TGM2: variants seen among roughly 807,000 people sequenced by gnomAD.
TGM2 encodes the protein protein-glutamine gamma-glutamyltransferase 2.
Under a neutral mutation model 75.6 loss-of-function variants are expected in TGM2, and 53 were observed. The observed-to-expected ratio is 0.70, with a 90% CI of 0.56 to 0.88. The LOEUF (loss-of-function observed/expected upper bound fraction) is 0.88. TGM2 is among the 40% of genes least tolerant of loss of function. The pLI, the probability that TGM2 is intolerant of heterozygous loss-of-function variation, is 0.00. For synonymous variants in TGM2, 374 were observed against 381.1 expected (o/e 0.98, Z 0.22); for missense variants, 842 against 928.5 (o/e 0.91, Z 1.21).
At chr20:38,138,078 C>T (rs756660452) in intron 10 of TGM2, 35 bp downstream of exon 10, 17 of 1,552,242 alleles carry the variant, frequency 1.1e-5, no homozygotes, top group East Asian at 7.3e-5. Flanking sequence ...TGTCAGTTGG[C>T]GGTCAACAAA....
chr20:38,165,305 C>T, upstream of TGM2: 1 of 1,556,866 alleles, frequency 6.4e-7, no homozygotes, highest in Non-Finnish European at 8.8e-7. Context: ...TTATAGCCCG[C>T]TTTGGGGCGG....
intron 3 of TGM2, among the ~76,000 whole-genome samples, chr20:38,153,044 G>C (rs560616393): frequency 7.5e-6 from 1 of 133,182 alleles, no homozygotes; most frequent in African/African-American, 2.7e-5. Context: ...GGGGCGGGGG[G>C]GGGGATCCAG....
At position 38,142,075 on chromosome 20, in the gene TGM2, G is replaced by GCC. The variant is rs779835020; in HGVS notation, c.983_984insGG (p.Ser328ArgfsTer4). ...GGCCCCCACCTCACCAGATCATCTC[G>GCC]CTCTTGTCACCCTGGATCTCCCCAA... On this transcript the variant is annotated frameshift_variant, in exon 7 of 13. Coordinates refer to ENST00000361475, the MANE Select transcript of TGM2 (RefSeq NM_004613.4). LOFTEE classifies it high-confidence loss of function. The GCC allele has an allele frequency of 6.2e-7, 1 of 1,614,014 alleles. No individual in the cohort carries two copies. Among genetic ancestry groups the GCC allele is most frequent in the South Asian group, 1.1e-5 (1 of 91,076 alleles).
rs1344394120 is a variant in TGM2, at chr20:38,132,438, G to A, written c.1678C>T (p.Leu560Phe). The change falls in exon 11 of 13, where the codon CTC (leucine) becomes TTC (phenylalanine). Residue 560 changes from leucine to phenylalanine, a missense_variant. By Grantham distance (22) the Leu-to-Phe change is conservative. Coordinates refer to ENST00000361475, the MANE Select transcript of TGM2 (RefSeq NM_004613.4). ...KYRDCLTESN[L>F]IKVRALLVEP... ...ACGAGGAGGGCCCGCACCTTGATGA[G>A]GTTGGACTCCGTAAGGCAGTCACGG... 8 of 1,614,072 alleles carry A rather than the reference G, an allele frequency of 5.0e-6. No individual in the cohort carries two copies. Among genetic ancestry groups the A allele is most frequent in the Middle Eastern group, 1.6e-4 (1 of 6,084 alleles).
intron 12 of TGM2, among the ~76,000 whole-genome samples, chr20:38,130,872 T>C (rs2074820486): frequency 6.6e-6 from 1 of 152,150 alleles, no homozygotes; most frequent in African/African-American, 2.4e-5. Flanking sequence ...ATGATGTCAC[T>C]GTGGAGGTCT....
At chr20:38,138,092 T>C (rs1332845381) in intron 10 of TGM2, 21 bp downstream of exon 10, 2 of 1,571,422 alleles carry the variant, frequency 1.3e-6, no homozygotes, top group East Asian at 4.7e-5. Flanking sequence ...CAACAAATGC[T>C]CCAGGAACAC....
chr20:38,132,572 G>A, intron 10 of TGM2, 72 bp from the exon 11 acceptor site: 1 of 1,586,726 alleles, frequency 6.3e-7, no homozygotes, highest in Non-Finnish European at 8.6e-7. Flanking sequence ...AACTCCAAGA[G>A]GCACAGAGAG....
rs2074786459 is a variant in TGM2, at chr20:38,128,271, AACAGAC to A, written c.*1942_*1947del. On this transcript the variant is annotated 3_prime_UTR_variant, in exon 13 of 13. Transcript: ENST00000361475. ...TACAGGAAGTTAATTGTGGCCCAAA[AACAGAC>A]TGTTGGTGGAAGGGGCCGGAGATGG... The A allele has an allele frequency of 6.6e-6, 1 of 152,268 alleles. No individual in the cohort carries two copies. Among genetic ancestry groups the A allele is most frequent in the Non-Finnish European group, 1.5e-5 (1 of 68,086 alleles). The allele number at this position is 152,268 out of a possible 1,614,324, so 9.4% of individuals were successfully genotyped here.
Position 38,130,366 on chromosome 20 carries a change from TG to T in TGM2, c.1916del (p.Pro639GlnfsTer12). On this transcript the variant is annotated frameshift_variant and splice_region_variant, in exon 13 of 13. Coordinates refer to ENST00000361475, the MANE Select transcript of TGM2 (RefSeq NM_004613.4). LOFTEE classifies it high-confidence loss of function. ...CTTCCTCCCCTGCCTCCACGGGGTC[TG>T]GGCTGCAGGGAGAGAGGGGGTGGTG... is the stretch of plus-strand genomic sequence containing the variant. Reference protein sequence around the residue: ...LTEEQKTVEIPDPVEAGEEVK... With the variant: ...LTEEQKTVEIXDPVEAGEEVK... The T allele has an allele frequency of 1.3e-6, 2 of 1,589,102 alleles. No homozygotes were observed. Among genetic ancestry groups the T allele is most frequent in the Non-Finnish European group, 8.6e-7 (1 of 1,168,024 alleles).
At position 38,129,986 on chromosome 20, in the gene TGM2, G is replaced by A. The variant is rs562163612; in HGVS notation, c.*233C>T. On this transcript the variant is annotated 3_prime_UTR_variant, in exon 13 of 13. Coordinates refer to ENST00000361475, the MANE Select transcript of TGM2 (RefSeq NM_004613.4). Reference sequence around the variant, plus strand: ...CCAGCCCCAGTCAGCCAAGGTCAGGGCTCCCACTGTTTCTGGCACAGAGCA... The same window carrying A: ...CCAGCCCCAGTCAGCCAAGGTCAGGACTCCCACTGTTTCTGGCACAGAGCA... The A allele has an allele frequency of 1.4e-4, 86 of 593,416 alleles. No homozygotes were observed. Among genetic ancestry groups the A allele is most frequent in the African/African-American group, 1.4e-3 (77 of 53,900 alleles). The allele number at this position is 593,416 out of a possible 1,614,324, so 36.8% of individuals were successfully genotyped here.
rs766197682 is a variant in TGM2, at chr20:38,165,207, G to A, written c.-9C>T. The A allele has an allele frequency of 1.5e-5, 24 of 1,613,258 alleles. No homozygotes were observed. The Middle Eastern group carries it at 4.9e-4, about 33-fold the overall frequency. On this transcript the variant is annotated 5_prime_UTR_variant, in exon 1 of 13. Transcript: ENST00000361475. ...TACTCACCCTCGGCCATGGTCGGGC[G>A]GGGGCGGTGGCTCCTTCCACTGGCG... is the stretch of plus-strand genomic sequence containing the variant.
chr20:38,159,277 T>C (rs1406840276), intron 2 of TGM2, among the ~76,000 whole-genome samples: 1 of 152,118 alleles, frequency 6.6e-6, no homozygotes, highest in Non-Finnish European at 1.5e-5. Flanking sequence ...AAATCCCCCA[T>C]GTTCTCACTT....
chr20:38,165,662 C>T (rs2075303830), upstream of TGM2, among the ~76,000 whole-genome samples: 2 of 145,344 alleles, frequency 1.4e-5, no homozygotes, highest in African/African-American at 5.2e-5. Context: ...AGAACACCTC[C>T]CCACCCCCAA....
intron 4 of TGM2, 65 bp from the exon 5 acceptor site, chr20:38,148,154 G>C (rs979668505): frequency 4.4e-5 from 71 of 1,606,112 alleles, no homozygotes; most frequent in Non-Finnish European, 6.0e-5. Context: ...GGAAGCCTGC[G>C]TTGAAGCCTC....
Position 38,151,113 on chromosome 20 carries a change from T to C in TGM2, c.434-56A>G, listed in dbSNP as rs2075111529. 2.9e-6 allele frequency: 4 copies of C among 1,376,124 alleles called. No individual in the cohort carries two copies. The Middle Eastern group carries it at 5.3e-4, about 184-fold the overall frequency. The allele number at this position is 1,376,124 out of a possible 1,614,324, so 85.2% of individuals were successfully genotyped here. A position where few individuals can be genotyped will look rare whatever the true frequency, so the allele number is the denominator to read the frequency against. On this transcript the variant is annotated intron_variant, in intron 3 of 12. Transcript: ENST00000361475. ...TGGGTCTGCGGAGGCCCAGGGTCCC[T>C]GCAAATCTGGAGTCAAGGGTGCCAA...
intron 1 of TGM2, among the ~76,000 whole-genome samples, chr20:38,162,128 A>T (rs1250377296): frequency 6.6e-6 from 1 of 152,190 alleles, no homozygotes; most frequent in Non-Finnish European, 1.5e-5. Context: ...AAATCTTTTA[A>T]TCACAAGGTC....
At chr20:38,136,303 C>T (rs1302215402) in intron 10 of TGM2, among the ~76,000 whole-genome samples, 2 of 152,200 alleles carry the variant, frequency 1.3e-5, no homozygotes, top group African/African-American at 4.8e-5. Context: ...CAGACGCCAG[C>T]CCATGGGCAC....
intron 6 of TGM2, 138 bp from the exon 7 acceptor site, chr20:38,142,337 C>G: frequency 7.2e-7 from 1 of 1,387,282 alleles, no homozygotes; most frequent in Non-Finnish European, 9.8e-7. Context: ...CCCTTCCTGC[C>G]GGGACAATGG....
chr20:38,163,259 GA>G (rs2075276122), intron 1 of TGM2, among the ~76,000 whole-genome samples: 1 of 143,350 alleles, frequency 7.0e-6, no homozygotes. Context: ...GACAGACTCT[GA>G]GTGTGGAGCC....
Sources: gnomAD v4.1 joint callset for allele counts (sites outside exome capture counted in the v4.1 genomes callset) on GRCh38, gnomAD v4.1.1 for gene constraint, MANE v1.5 for transcripts, NCBI Gene and HGNC (gene_info 2026-07-23, HGNC 2026-07-21) for gene names.